Variants in RBFOX1 observed in about 807,000 individuals in gnomAD.
RBFOX1 encodes RNA binding fox-1 homolog 1.
A neutral mutation model predicts 57.7 loss-of-function variants in RBFOX1; 8 were observed. The ratio of observed to expected loss-of-function variants is 0.14; its 90% CI spans 0.08 to 0.25. The LOEUF (loss-of-function observed/expected upper bound fraction) is 0.25. RBFOX1 is among the 10% of genes least tolerant of loss of function. RBFOX1 has a pLI of 1.00. For synonymous variants in RBFOX1, 326 were observed against 222.4 expected (o/e 1.47, Z -4.15); for missense variants, 611 against 548.5 (o/e 1.11, Z -1.14).
At chr16:7,513,327 T>A (rs2075633308) in intron 4 of RBFOX1, among the ~76,000 whole-genome samples, 2 of 152,206 alleles carry the variant, frequency 1.3e-5, no homozygotes, top group South Asian at 2.1e-4. Flanking sequence ...CCCCACCAGG[T>A]GATTCTCTTG....
At chr16:7,243,940 A>T (rs2094178296) in intron 4 of RBFOX1, among the ~76,000 whole-genome samples, 1 of 151,310 alleles carries the variant, frequency 6.6e-6, no homozygotes, top group African/African-American at 2.4e-5. Context: ...AGATTCATTA[A>T]ACCTCTGAAG....
intron 1 of RBFOX1, among the ~76,000 whole-genome samples, chr16:5,419,772 GAGA>G (rs1235169835): frequency 6.6e-6 from 1 of 151,976 alleles, no homozygotes; most frequent in Non-Finnish European, 1.5e-5. Context: ...CCAGCAGAAG[GAGA>G]AGTTGGAGAG....
intron 4 of RBFOX1, among the ~76,000 whole-genome samples, chr16:7,477,357 G>A (rs949803752): frequency 1.3e-5 from 2 of 152,122 alleles, no homozygotes; most frequent in African/African-American, 4.8e-5. Context: ...AAATCATTGT[G>A]AGGACCTGGG....
At chr16:5,479,051 C>T (rs996741689) in intron 2 of RBFOX1, among the ~76,000 whole-genome samples, 2 of 152,208 alleles carry the variant, frequency 1.3e-5, no homozygotes, top group African/African-American at 4.8e-5. Context: ...TTTGAACTTG[C>T]CATCTGTTCC....
chr16:5,657,072 A>G (rs763447617), intron 3 of RBFOX1, among the ~76,000 whole-genome samples: 3 of 152,210 alleles, frequency 2.0e-5, no homozygotes, highest in East Asian at 1.9e-4. Flanking sequence ...CATGTTCTGC[A>G]CATGTATCCC....
At chr16:7,532,272 T>C (rs1321723348) in intron 5 of RBFOX1, among the ~76,000 whole-genome samples, 1 of 151,928 alleles carries the variant, frequency 6.6e-6, no homozygotes, top group African/African-American at 2.4e-5. Context: ...TTGCCTGGGG[T>C]TCCAGGCGGT....
chr16:5,277,087 AT>A (rs1567269177), intron 1 of RBFOX1, among the ~76,000 whole-genome samples: 1 of 152,130 alleles, frequency 6.6e-6, no homozygotes, highest in Non-Finnish European at 1.5e-5. Context: ...TGTGTTTTTT[AT>A]ATGTATATAT....
At position 6,329,243 on chromosome 16, in the gene RBFOX1, TG is replaced by T. The variant is rs2082726610; in HGVS notation, c.-64+12189del. ...GCTAACATGGTGGAAGTTTTGCTTA[TG>T]GGCCAGGCTGTGTACTAAGAAGTTT... On this transcript the variant is annotated intron_variant, in intron 2 of 15. Coordinates refer to ENST00000550418, the MANE Select transcript of RBFOX1 (RefSeq NM_018723.4). Among the ~76,000 whole-genome samples, 2 of 152,226 alleles carry T rather than the reference TG, an allele frequency of 1.3e-5. 1 individual carries two copies. The highest frequency in any genetic ancestry group is 4.1e-4 in the South Asian group (2 of 4,832).
intron 4 of RBFOX1, among the ~76,000 whole-genome samples, chr16:7,414,123 G>A (rs61255863): frequency 0.098 from 14,940 of 152,138 alleles, 2,338 homozygotes; most frequent in African/African-American, 0.33. Context: ...CAATTCAAGG[G>A]GTCTACAGAC....
intron 1 of RBFOX1, among the ~76,000 whole-genome samples, chr16:6,252,526 G>A (rs886803045): frequency 2.6e-5 from 4 of 152,162 alleles, no homozygotes; most frequent in East Asian, 1.9e-4. Flanking sequence ...AAGTCGACCC[G>A]AAGGAATTCC....
intron 3 of RBFOX1, among the ~76,000 whole-genome samples, chr16:6,908,448 G>C (rs1163245713): frequency 6.6e-6 from 1 of 152,068 alleles, no homozygotes; most frequent in Non-Finnish European, 1.5e-5. Context: ...CCTCTGGTGT[G>C]ACCTCTTCTA....
chr16:7,260,788 G>T (rs1308852669), intron 4 of RBFOX1, among the ~76,000 whole-genome samples: 1 of 152,148 alleles, frequency 6.6e-6, no homozygotes, highest in African/African-American at 2.4e-5. Flanking sequence ...CTGCCGAACA[G>T]CAGGGTCCTT....
chr16:5,298,078 G>A (rs1328999206), intron 1 of RBFOX1, among the ~76,000 whole-genome samples: 2 of 152,106 alleles, frequency 1.3e-5, no homozygotes, highest in African/African-American at 4.8e-5. Context: ...GGGAAGAAAC[G>A]TATTTAAGTA....
At chr16:5,829,108 A>G (rs772097112) in intron 3 of RBFOX1, among the ~76,000 whole-genome samples, 147 of 152,146 alleles carry the variant, frequency 9.7e-4, no homozygotes, top group Non-Finnish European at 1.1e-3. Context: ...TCCAGCTCAC[A>G]CTCAGGAGGA....
At chr16:7,476,258 C>T (rs1326627915) in intron 4 of RBFOX1, among the ~76,000 whole-genome samples, 1 of 152,200 alleles carries the variant, frequency 6.6e-6, no homozygotes, top group Non-Finnish European at 1.5e-5. Flanking sequence ...CAGGCATGAG[C>T]CATAACTTCT....
intron 3 of RBFOX1, among the ~76,000 whole-genome samples, chr16:5,688,990 C>G (rs1452985810): frequency 2.0e-5 from 3 of 152,206 alleles, no homozygotes; most frequent in South Asian, 4.1e-4. Context: ...GTGAACCCAT[C>G]TCTTCTCTTG....
chr16:6,907,113 C>T (rs562741541), intron 3 of RBFOX1, among the ~76,000 whole-genome samples: 64 of 152,256 alleles, frequency 4.2e-4, no homozygotes, highest in Non-Finnish European at 8.4e-4. Context: ...GATTTTTGTT[C>T]CCCAGTAGGC....
intron 4 of RBFOX1, among the ~76,000 whole-genome samples, chr16:7,320,772 C>G (rs2096531196): frequency 6.6e-6 from 1 of 152,230 alleles, no homozygotes; most frequent in Non-Finnish European, 1.5e-5. Flanking sequence ...CAAATGGGTG[C>G]AAGCCCAAAG....
intron 3 of RBFOX1, among the ~76,000 whole-genome samples, chr16:6,972,562 T>C (rs1456290193): frequency 6.6e-6 from 1 of 152,128 alleles, no homozygotes; most frequent in Non-Finnish European, 1.5e-5. Context: ...TACAAATATA[T>C]TGCAGCAGAT....
Sources: allele counts gnomAD v4.1 joint callset (sites outside exome capture counted in the v4.1 genomes callset), GRCh38; gene constraint gnomAD v4.1.1; transcripts MANE v1.5; gene names NCBI Gene and HGNC (gene_info 2026-07-23, HGNC 2026-07-21).